ZSCAN5A: variants seen among roughly 807,000 people sequenced by gnomAD.
The protein encoded by ZSCAN5A is zinc finger and SCAN domain-containing protein 5A.
Under a neutral mutation model 23.7 loss-of-function variants are expected in ZSCAN5A, and 12 were observed. The ratio of observed to expected loss-of-function variants is 0.51; its 90% CI spans 0.32 to 0.82. The LOEUF is 0.82. Among genes scored for constraint, ZSCAN5A ranks in the 40% least tolerant of loss-of-function variants. ZSCAN5A has a pLI of 0.03. For synonymous variants in ZSCAN5A, 257 were observed against 239.9 expected (o/e 1.07, Z -0.66); for missense variants, 597 against 617.9 (o/e 0.97, Z 0.36).
At chr19:56,282,499 G>C (rs2038788891) in intron 2 of ZSCAN5A, 1 of 985,220 alleles carries the variant, frequency 1.0e-6, no homozygotes, top group Non-Finnish European at 1.2e-6. Context: ...AGTGCTGAAA[G>C]GTAAGCTTCT....
At chr19:56,362,111 T>C (rs1279244946) in intron 2 of ZSCAN5A, among the ~76,000 whole-genome samples, 2 of 150,184 alleles carry the variant, frequency 1.3e-5, no homozygotes, top group East Asian at 2.0e-4. Flanking sequence ...TGAGCCAAGA[T>C]TGTGCCACTG....
At chr19:56,311,023 T>G (rs2041002500) in intron 2 of ZSCAN5A, among the ~76,000 whole-genome samples, 1 of 152,248 alleles carries the variant, frequency 6.6e-6, no homozygotes, top group Non-Finnish European at 1.5e-5. Flanking sequence ...TTAAAAATAC[T>G]TTTACCATTT....
chr19:56,357,107 C>T (rs1204032426), intron 2 of ZSCAN5A, among the ~76,000 whole-genome samples: 1 of 148,560 alleles, frequency 6.7e-6, no homozygotes, highest in Non-Finnish European at 1.5e-5. Flanking sequence ...AGTCAGGGGG[C>T]CTTCTTCTCC....
At chr19:56,320,722 T>C (rs2041366611) in intron 2 of ZSCAN5A, 11 of 1,192,284 alleles carry the variant, frequency 9.2e-6, no homozygotes, top group Non-Finnish European at 1.4e-5. Context: ...CTTCAATATA[T>C]GGAAATTCTG....
chr19:56,262,749 T>C (rs534808431), intron 2 of ZSCAN5A, among the ~76,000 whole-genome samples: 4 of 152,290 alleles, frequency 2.6e-5, no homozygotes, highest in Middle Eastern at 6.8e-3. Flanking sequence ...TCATTCAACA[T>C]TATATTGATA....
intron 2 of ZSCAN5A, among the ~76,000 whole-genome samples, chr19:56,333,731 C>A (rs528968025): frequency 7.2e-5 from 11 of 151,896 alleles, no homozygotes; most frequent in Non-Finnish European, 1.6e-4. Context: ...CCAAACTGCA[C>A]AATAGCTCAA....
chr19:56,338,446 G>A (rs1211240299), intron 2 of ZSCAN5A: 1 of 152,154 alleles, frequency 6.6e-6, no homozygotes, highest in African/African-American at 2.4e-5. Flanking sequence ...CTTTCCCTGA[G>A]TGCTACTATA....
At chr19:56,277,648 C>G (rs1238972633) in intron 2 of ZSCAN5A, among the ~76,000 whole-genome samples, 1 of 152,018 alleles carries the variant, frequency 6.6e-6, no homozygotes, top group Non-Finnish European at 1.5e-5. Flanking sequence ...TCCTACAAAC[C>G]ACTGAAATGG....
chr19:56,274,032 C>T (rs528585631), intron 2 of ZSCAN5A, among the ~76,000 whole-genome samples: 2 of 152,242 alleles, frequency 1.3e-5, no homozygotes, highest in South Asian at 4.1e-4. Flanking sequence ...ACTGAGGAAA[C>T]AGCTCACAGG....
At position 56,351,927 on chromosome 19, in the gene ZSCAN5A, G is replaced by A. The variant is rs2147460382; in HGVS notation, c.-358+11308C>T. ...ATAATTTTACAGACCTGAGACGTTTGCAAGATGAAATTGTGTTGCGGGATG... is the reference window on the plus strand; with the variant it reads ...ATAATTTTACAGACCTGAGACGTTTACAAGATGAAATTGTGTTGCGGGATG... On this transcript the variant is annotated intron_variant, in intron 2 of 6. Coordinates refer to the ZSCAN5A transcript ENST00000587340. The surrounding 1 kb of genome is among the most constrained non-coding windows in gnomAD (Gnocchi z 4.8). Among the ~76,000 whole-genome samples, 2 of 152,278 alleles carry A rather than the reference G, an allele frequency of 1.3e-5. No homozygotes were observed. Among genetic ancestry groups the A allele is most frequent in the East Asian group, 3.9e-4 (2 of 5,176 alleles).
chr19:56,275,686 T>A (rs1450181724), intron 2 of ZSCAN5A, among the ~76,000 whole-genome samples: 7 of 152,222 alleles, frequency 4.6e-5, no homozygotes, highest in Non-Finnish European at 1.0e-4. Flanking sequence ...TGTAAGATGT[T>A]TGGGACATCC....
intron 2 of ZSCAN5A, among the ~76,000 whole-genome samples, chr19:56,357,294 C>A (rs2041705619): frequency 1.3e-5 from 2 of 148,612 alleles, no homozygotes; most frequent in South Asian, 4.3e-4. Flanking sequence ...GATCTTGCCT[C>A]ATGCATGCGA....
chr19:56,297,532 G>GT, intron 2 of ZSCAN5A: 1 of 984,922 alleles, frequency 1.0e-6, no homozygotes, highest in Non-Finnish European at 1.2e-6. Context: ...AAGGAGGAAG[G>GT]TAAGTGCTTG....
chr19:56,258,577 AGGGGGTGACAGACACGCCTTCCAGTGTG>A (rs2036897635), intron 2 of ZSCAN5A, among the ~76,000 whole-genome samples: 2 of 120,680 alleles, frequency 1.7e-5, no homozygotes, highest in South Asian at 5.7e-4. Flanking sequence ...TTTCCAGTGT[AGGGGGTGACAGACACGCCTTCCAGTGTG>A]GGGGGTGACC....
At chr19:56,354,173 G>A (rs974062482) in intron 2 of ZSCAN5A, among the ~76,000 whole-genome samples, 5 of 152,180 alleles carry the variant, frequency 3.3e-5, no homozygotes, top group African/African-American at 1.2e-4. Context: ...TGTTTACAGA[G>A]TTTCAATTTT....
At chr19:56,229,334 G>C in intron 2 of ZSCAN5A, among the ~76,000 whole-genome samples, 1 of 152,202 alleles carries the variant, frequency 6.6e-6, no homozygotes, top group Non-Finnish European at 1.5e-5. Context: ...AACTTCTTGG[G>C]AGTAGAACTT....
chr19:56,275,050 G>A (rs2038146407), intron 2 of ZSCAN5A: 1 of 152,150 alleles, frequency 6.6e-6, no homozygotes, highest in Non-Finnish European at 1.5e-5. Context: ...CCTTCCCCGG[G>A]AATTATATCA....
At chr19:56,367,926 T>A (rs2041782377) in intron 1 of ZSCAN5A, 1 of 152,220 alleles carries the variant, frequency 6.6e-6, no homozygotes, top group Non-Finnish European at 1.5e-5. Flanking sequence ...TCATAACACT[T>A]TCCCAAACTT....
chr19:56,265,520 T>C (rs1214340615), intron 2 of ZSCAN5A, among the ~76,000 whole-genome samples: 1 of 151,806 alleles, frequency 6.6e-6, no homozygotes, highest in East Asian at 1.9e-4. Flanking sequence ...GAGGTTGCCT[T>C]AGAACACAAA....
Sources: gnomAD v4.1 joint callset for allele counts (sites outside exome capture counted in the v4.1 genomes callset) on GRCh38, gnomAD v4.1.1 for gene constraint, Gnocchi (gnomAD v3.1) non-coding constraint, MANE v1.5 for transcripts, NCBI Gene and HGNC (gene_info 2026-07-23, HGNC 2026-07-21) for gene names.